EVX2: variants seen among roughly 807,000 people sequenced by gnomAD.
EVX2 encodes homeobox even-skipped homolog protein 2.
In EVX2, 10 loss-of-function variants were observed where a neutral mutation model predicts 19.2. The ratio of observed to expected loss-of-function variants is 0.52; its 90% CI spans 0.32 to 0.89. The LOEUF (loss-of-function observed/expected upper bound fraction) is 0.89. EVX2 is among the 40% of genes least tolerant of loss of function. The pLI, the probability that EVX2 is intolerant of heterozygous loss-of-function variation, is 0.03. For synonymous variants in EVX2, 354 were observed against 328.4 expected, an observed-to-expected ratio of 1.08 and a Z score of -0.84; for missense variants, 710 against 694.9, an observed-to-expected ratio of 1.02 and a Z score of -0.24.
In EVX2 at chr2:176,080,588, C is replaced by A; in HGVS notation, c.950G>T (p.Arg317Leu). 1 of 1,532,920 alleles carries A rather than the reference C, an allele frequency of 6.5e-7. No homozygotes were observed. Among genetic ancestry groups the A allele is most frequent in the South Asian group, 1.2e-5 (1 of 80,226 alleles). 95.0% of individuals were successfully genotyped at this position (1,532,920 alleles called of 1,614,324 possible). Residue 317 changes from arginine to leucine, a missense_variant, in exon 3 of 3, where the codon CGG (arginine) becomes CTG (leucine). Coordinates refer to ENST00000308618, the MANE Select transcript of EVX2 (RefSeq NM_001080458.2). The surrounding 1 kb of genome is among the most constrained non-coding windows in gnomAD (Gnocchi z 7.0). ...AASSPFATSI[R>L]PLDTFRALSH... ...GAGGGCGCGGAAGGTGTCCAGTGGC[C>A]GGATGGAAGTAGCGAAGGGCGACGA...
At position 176,083,755 on chromosome 2, in the gene EVX2, C is replaced by G. The variant is rs780489671; in HGVS notation, c.22G>C (p.Glu8Gln). The G allele has an allele frequency of 1.9e-6, 3 of 1,612,054 alleles. No individual in the cohort carries two copies. Among genetic ancestry groups the G allele is most frequent in the South Asian group, 1.1e-5 (1 of 91,088 alleles). Residue 8 changes from glutamate (E) to glutamine (Q), a missense_variant, in exon 1 of 3, where the codon GAG (glutamate) becomes CAG (glutamine). Transcript: ENST00000308618. This position sits in a 1 kb window ranked among gnomAD's most constrained non-coding sequence, Gnocchi z 4.4. MMERIRK[E>Q]MILMERGLHS... ...AGCCCTCTCTCCATCAGAATCATCTCTTTTCTTATTCTTTCCATCATCTCA... is the reference window on the plus strand; with the variant it reads ...AGCCCTCTCTCCATCAGAATCATCTGTTTTCTTATTCTTTCCATCATCTCA...
At position 176,080,061 on chromosome 2, in the gene EVX2, G is replaced by A. The variant is rs748933673; in HGVS notation, c.*46C>T. 4 of 1,502,224 alleles carry A rather than the reference G, an allele frequency of 2.7e-6. No individual in the cohort carries two copies. Among genetic ancestry groups the A allele is most frequent in the Non-Finnish European group, 3.6e-6 (4 of 1,124,656 alleles). 93.1% of individuals were successfully genotyped at this position (1,502,224 alleles called of 1,614,324 possible). On this transcript the variant is annotated 3_prime_UTR_variant, in exon 3 of 3. Transcript: ENST00000308618. The surrounding 1 kb of genome is among the most constrained non-coding windows in gnomAD (Gnocchi z 7.0). ...CAGGGGGCGCACAGGGGACTCCCGG[G>A]CACACTCAGAGAGGCGGGCGCGGCC...
In EVX2 at chr2:176,077,961, T is replaced by G. The variant is rs1298886671; in HGVS notation, c.*2146A>C. 6.6e-6 allele frequency: 1 copy of G among 152,164 alleles called. No individual in the cohort carries two copies. Among genetic ancestry groups the G allele is most frequent in the Non-Finnish European group, 1.5e-5 (1 of 67,996 alleles). 9.4% of individuals were successfully genotyped at this position (152,164 alleles called of 1,614,324 possible). ...TTAAAAACAAAAACAAAAACTTAAGTTTTAGATCATTGCTATTTCATTGGA... is the reference window on the plus strand; with the variant it reads ...TTAAAAACAAAAACAAAAACTTAAGGTTTAGATCATTGCTATTTCATTGGA... On this transcript the variant is annotated 3_prime_UTR_variant, in exon 3 of 3. Transcript: ENST00000308618.
rs1052011405 is a variant in EVX2 at position 176,082,958 on chromosome 2, A to C, written c.427+392T>G. Among the ~76,000 whole-genome samples, 8 of 152,220 alleles carry C rather than the reference A, an allele frequency of 5.3e-5. No individual in the cohort carries two copies. The highest frequency in any genetic ancestry group is 1.9e-4 in the African/African-American group (8 of 41,468). ...GGCTTCCTCCGACTTACCCAGAAGA[A>C]TGCCCCCTCCAGCCCTGAGGGCACA... On this transcript the variant is annotated intron_variant, in intron 1 of 2. Transcript: ENST00000308618. This position sits in a 1 kb window ranked among gnomAD's most constrained non-coding sequence, Gnocchi z 5.2.
chr2:176,080,626 C>T lies in EVX2; in HGVS notation c.912G>A (p.Ala304=), dbSNP rs1689132705. 1 of 1,530,572 alleles carries T rather than the reference C, an allele frequency of 6.5e-7. No homozygotes were observed. Among genetic ancestry groups the T allele is most frequent in the Non-Finnish European group, 8.7e-7 (1 of 1,151,862 alleles). The allele number at this position is 1,530,572 out of a possible 1,614,324, so 94.8% of individuals were successfully genotyped here. A position where few individuals can be genotyped will look rare whatever the true frequency, so the allele number is the denominator to read the frequency against. The change falls in exon 3 of 3, where the codon GCG becomes GCA. Residue 304 remains alanine (A), a synonymous_variant. Coordinates refer to ENST00000308618, the MANE Select transcript of EVX2 (RefSeq NM_001080458.2). The surrounding 1 kb of genome is among the most constrained non-coding windows in gnomAD (Gnocchi z 7.0). ...AAAAAAAASG[A]AAAASSPFAT... ...CGAAGGGCGACGAAGCCGCGGCCGC[C>T]GCGCCTGAGGCTGCAGCCGCGGCCG...
In EVX2 at chr2:176,082,494, A is replaced by ACAG. The variant is rs1189297781; in HGVS notation, c.428-48_428-46dup. The ACAG allele has an allele frequency of 6.7e-7, 1 of 1,494,776 alleles. No homozygotes were observed. Among genetic ancestry groups the ACAG allele is most frequent in the Non-Finnish European group, 8.9e-7 (1 of 1,125,170 alleles). 92.6% of individuals were successfully genotyped at this position (1,494,776 alleles called of 1,614,324 possible). A position where few individuals can be genotyped will look rare whatever the true frequency, so the allele number is the denominator to read the frequency against. On this transcript the variant is annotated intron_variant, in intron 1 of 2. Coordinates refer to ENST00000308618, the MANE Select transcript of EVX2 (RefSeq NM_001080458.2). This position sits in a 1 kb window ranked among gnomAD's most constrained non-coding sequence, Gnocchi z 5.2. ...CAGCGCATGAGTGGCTGTAGGACCAACAGCCCGGCGCTGGCGCTGCGCGCG... is the reference window on the plus strand; with the variant it reads ...CAGCGCATGAGTGGCTGTAGGACCAACAGCAGCCCGGCGCTGGCGCTGCGCGCG...
At position 176,080,852 on chromosome 2, in the gene EVX2, C is replaced by G. The variant is rs752224496; in HGVS notation, c.700-14G>C. ...CTGGAACCACACCTGCGGGGAGAGA[C>G]GCGCCGCAGCCTGGGTTAGGGAGCG... On this transcript the variant is annotated splice_polypyrimidine_tract_variant and intron_variant, in intron 2 of 2. Coordinates refer to ENST00000308618, the MANE Select transcript of EVX2 (RefSeq NM_001080458.2). This position sits in a 1 kb window ranked among gnomAD's most constrained non-coding sequence, Gnocchi z 7.0. 4 of 1,602,882 alleles carry G rather than the reference C, an allele frequency of 2.5e-6. No individual in the cohort carries two copies. Among genetic ancestry groups the G allele is most frequent in the Non-Finnish European group, 2.6e-6 (3 of 1,175,548 alleles).
In EVX2 at chr2:176,083,622, C is replaced by G. The variant is rs1476865244; in HGVS notation, c.155G>C (p.Arg52Pro). ...NSQHPARLSP[R>P]LPSAPLHSAL... ...GCTGTGCAGGGGGGCAGACGGCAGG[C>G]GCGGGCTTAGGCGAGCCGGGTGCTG... Residue 52 changes from arginine (R) to proline (P), a missense_variant, in exon 1 of 3, where the codon CGC becomes CCC. Physicochemically the swap from Arg to Pro is moderately radical, Grantham distance 103. Coordinates refer to ENST00000308618, the MANE Select transcript of EVX2 (RefSeq NM_001080458.2). This position sits in a 1 kb window ranked among gnomAD's most constrained non-coding sequence, Gnocchi z 4.4. 6.2e-7 allele frequency: 1 copy of G among 1,614,160 alleles called. No homozygotes were observed. The highest frequency in any genetic ancestry group is 1.1e-5 in the South Asian group (1 of 91,080).
chr2:176,082,357 C>T lies in EVX2; in HGVS notation c.520G>A (p.Gly174Arg). The T allele has an allele frequency of 6.2e-7, 1 of 1,602,136 alleles. No individual in the cohort carries two copies. The highest frequency in any genetic ancestry group is 8.5e-7 in the Non-Finnish European group (1 of 1,178,082). ...SLHGGSGGSG[G>R]SAALGGSGSG... ...CCGGAGCCACCCAGCGCCGCGCTCC[C>T]GCCGCTGCCTCCGCTGCCTCCATGC... The change falls in exon 2 of 3, where the codon GGG (glycine) becomes AGG (arginine). Residue 174 changes from glycine to arginine, a missense_variant. Gly to Arg is a moderately radical substitution (Grantham distance 125). Transcript: ENST00000308618. The surrounding 1 kb of genome is among the most constrained non-coding windows in gnomAD (Gnocchi z 5.2).
Position 176,083,846 on chromosome 2 carries a change from A to G in EVX2, c.-70T>C. The G allele has an allele frequency of 7.5e-7, 1 of 1,338,354 alleles. No homozygotes were observed. Among genetic ancestry groups the G allele is most frequent in the South Asian group, 1.3e-5 (1 of 75,968 alleles). The allele number at this position is 1,338,354 out of a possible 1,614,324, so 82.9% of individuals were successfully genotyped here. A position where few individuals can be genotyped will look rare whatever the true frequency, so the allele number is the denominator to read the frequency against. ...TAATGATAGGCTGCGCCTAGGGCTA[A>G]TTCTCATTCAGCCCCAGCGAACGCC... On this transcript the variant is annotated 5_prime_UTR_variant, in exon 1 of 3. Coordinates refer to ENST00000308618, the MANE Select transcript of EVX2 (RefSeq NM_001080458.2). The surrounding 1 kb of genome is among the most constrained non-coding windows in gnomAD (Gnocchi z 4.4).
chr2:176,083,307 A>G lies in EVX2; in HGVS notation c.427+43T>C. 1 of 1,530,142 alleles carries G rather than the reference A, an allele frequency of 6.5e-7. No individual in the cohort carries two copies. The highest frequency in any genetic ancestry group is 1.2e-5 in the South Asian group (1 of 82,392). 94.8% of individuals were successfully genotyped at this position (1,530,142 alleles called of 1,614,324 possible). Reference sequence around the variant, plus strand: ...GGCTGGCGGGGGCCGCGGAGGAGCAAAGAGGATGGGACTGGAGAGCGCGGT... The same window carrying G: ...GGCTGGCGGGGGCCGCGGAGGAGCAGAGAGGATGGGACTGGAGAGCGCGGT... On this transcript the variant is annotated intron_variant, in intron 1 of 2. Transcript: ENST00000308618. This position sits in a 1 kb window ranked among gnomAD's most constrained non-coding sequence, Gnocchi z 4.4.
rs369068866 is a variant in EVX2, at chr2:176,080,677, G to A, written c.861C>T (p.Tyr287=). 6.3e-6 allele frequency: 10 copies of A among 1,597,144 alleles called. No homozygotes were observed. In the Admixed American group the frequency reaches 1.4e-4, roughly 22 times the overall value. ...CCGCCGCCGTGACGCCCACGTGCGG[G>A]TAGTAGTGCAGCGGCACGTGCGAGT... ...PFHSHVPLHY[Y]PHVGVTAAAA... is the part of the protein sequence containing the mutation. Residue 287 remains tyrosine (Y), a synonymous_variant, in exon 3 of 3, where the codon TAC becomes TAT. Transcript: ENST00000308618. The surrounding 1 kb of genome is among the most constrained non-coding windows in gnomAD (Gnocchi z 7.0).
Position 176,082,430 on chromosome 2 carries a change from C to T in EVX2, c.447G>A (p.Ser149=). 2 of 1,560,482 alleles carry T rather than the reference C, an allele frequency of 1.3e-6. No homozygotes were observed. Among genetic ancestry groups the T allele is most frequent in the Middle Eastern group, 1.9e-4 (1 of 5,146 alleles). The stretch of plus-strand genomic sequence containing the variant: ...ACGCCGACGTCGTGGTGCCGGCAGC[C>T]GAGCCGCTCTCTGCGTACCCTGGCA... The part of the protein sequence containing the change: ...NNGKGYAESG[S]AAGTTTSASG... Residue 149 remains serine (S), a synonymous_variant, in exon 2 of 3, where the codon TCG becomes TCA. Transcript: ENST00000308618. The surrounding 1 kb of genome is among the most constrained non-coding windows in gnomAD (Gnocchi z 5.2).
rs1439632692 is a variant in EVX2, at chr2:176,083,069, G to A, written c.427+281C>T. ...GACTAGGGGTCTACCGGCTCGCTCG[G>A]GCTCTTAGACACGAGCGCAGAAACA... On this transcript the variant is annotated intron_variant, in intron 1 of 2. Coordinates refer to ENST00000308618, the MANE Select transcript of EVX2 (RefSeq NM_001080458.2). This position sits in a 1 kb window ranked among gnomAD's most constrained non-coding sequence, Gnocchi z 4.4. Among the ~76,000 whole-genome samples the A allele has an allele frequency of 6.6e-6, 1 of 152,172 alleles. No individual in the cohort carries two copies. The highest frequency in any genetic ancestry group is 1.5e-5 in the Non-Finnish European group (1 of 68,018).
rs775384369 is a variant in EVX2, at chr2:176,083,392, C to A, written c.385G>T (p.Gly129Trp). ...TTAAGCTGAGCGGCGCCGAGGCCCC[C>A]GGGGGAGCGAAGCGCGGAGCAGCCC... ...EVGCSALRSP[G>W]GLGAAQLKEN... Residue 129 changes from glycine (G) to tryptophan (W), a missense_variant, in exon 1 of 3, where the codon GGG becomes TGG. Transcript: ENST00000308618. The surrounding 1 kb of genome is among the most constrained non-coding windows in gnomAD (Gnocchi z 4.4). 2 of 1,611,300 alleles carry A rather than the reference C, an allele frequency of 1.2e-6. No homozygotes were observed. Among genetic ancestry groups the A allele is most frequent in the Non-Finnish European group, 1.7e-6 (2 of 1,178,678 alleles).
rs777730545 is a variant in EVX2, at chr2:176,082,250, C to T, written c.627G>A (p.Arg209=). 3.1e-6 allele frequency: 5 copies of T among 1,603,820 alleles called. No homozygotes were observed. Among genetic ancestry groups the T allele is most frequent in the Non-Finnish European group, 4.2e-6 (5 of 1,179,150 alleles). ...GGCGGGGCCGCGACACATAGTTCTC[C>T]CGGTAGAACTCCTTCTCCAGGCGCG... ...QIARLEKEFY[R]ENYVSRPRRC... The change falls in exon 2 of 3, where the codon CGG becomes CGA. Residue 209 remains arginine (R), a synonymous_variant. Transcript: ENST00000308618. The surrounding 1 kb of genome is among the most constrained non-coding windows in gnomAD (Gnocchi z 5.2).
In EVX2 at chr2:176,083,515, C is replaced by T. The variant is rs1202668227; in HGVS notation, c.262G>A (p.Val88Ile). ...NLQHTGSEST[V>I]SSEISSAAES... ...GCGGCGGAGGAGATTTCGGAGGAGA[C>T]GGTGCTTTCGCTGCCCGTGTGCTGC... Residue 88 changes from valine (V) to isoleucine (I), a missense_variant, in exon 1 of 3, where the codon GTC (valine) becomes ATC (isoleucine). Physicochemically the swap from Val to Ile is conservative, Grantham distance 29 (BLOSUM62 3). Transcript: ENST00000308618. This position sits in a 1 kb window ranked among gnomAD's most constrained non-coding sequence, Gnocchi z 4.4. 1 of 1,614,170 alleles carries T rather than the reference C, an allele frequency of 6.2e-7. No individual in the cohort carries two copies. The highest frequency in any genetic ancestry group is 8.5e-7 in the Non-Finnish European group (1 of 1,180,042).
rs769424659 is a variant in EVX2 at position 176,082,409 on chromosome 2, C to T, written c.468G>A (p.Ser156=). The T allele has an allele frequency of 6.3e-7, 1 of 1,579,032 alleles. No homozygotes were observed. ...ESGSAAGTTT[S]ASGSGLGSLH... The stretch of plus-strand genomic sequence containing the variant: ...GGCTTCCGAGGCCTGAGCCCGACGC[C>T]GACGTCGTGGTGCCGGCAGCCGAGC... The change falls in exon 2 of 3, where the codon TCG becomes TCA. Residue 156 remains serine, a synonymous_variant. Transcript: ENST00000308618. This position sits in a 1 kb window ranked among gnomAD's most constrained non-coding sequence, Gnocchi z 5.2.
Position 176,079,966 on chromosome 2 carries a change from C to CA in EVX2, c.*140_*141insT. The CA allele has an allele frequency of 1.1e-6, 1 of 883,842 alleles. No individual in the cohort carries two copies. Among genetic ancestry groups the CA allele is most frequent in the Non-Finnish European group, 1.5e-6 (1 of 653,948 alleles). The allele number at this position is 883,842 out of a possible 1,614,324, so 54.7% of individuals were successfully genotyped here. ...CTTCTCCCCCAATTCGGAGCAGGTT[C>CA]CCTTCGGCCTCCCGCGCCCCGGGGC... is the stretch of plus-strand genomic sequence containing the variant. On this transcript the variant is annotated 3_prime_UTR_variant, in exon 3 of 3. Transcript: ENST00000308618. The surrounding 1 kb of genome is among the most constrained non-coding windows in gnomAD (Gnocchi z 4.4).
Sources: gnomAD v4.1 joint callset for allele counts (sites outside exome capture counted in the v4.1 genomes callset) on GRCh38, gnomAD v4.1.1 for gene constraint, Gnocchi (gnomAD v3.1) non-coding constraint, MANE v1.5 for transcripts, NCBI Gene and HGNC (gene_info 2026-07-23, HGNC 2026-07-21) for gene names.